The following TTBK1 variants were observed in gnomAD, a reference collection of about 807,000 sequenced individuals.
The protein encoded by TTBK1 is tau tubulin kinase 1, also known as tau-tubulin kinase 1.
In TTBK1, 34 loss-of-function variants were observed where a neutral mutation model predicts 108.5. That is an observed-to-expected ratio of 0.31 (90% CI 0.24 to 0.42). TTBK1 has a LOEUF of 0.42. Among genes scored for constraint, TTBK1 ranks in the 10% least tolerant of loss-of-function variants. The pLI, the probability that TTBK1 is intolerant of heterozygous loss-of-function variation, is 1.00. For missense variants in TTBK1, 1,539 were observed against 1,826.0 expected (o/e 0.84, Z 2.86); for synonymous variants, 809 against 795.1 (o/e 1.02, Z -0.29).
chr6:43,284,835 C>T, intron 14 of TTBK1, 148 bp from the exon 15 acceptor site: 5 of 1,325,760 alleles, frequency 3.8e-6, no homozygotes, highest in Non-Finnish European at 4.8e-6. Flanking sequence ...GAGAGCCAGG[C>T]CTCAGTTTAC....
At position 43,257,803 on chromosome 6, in the gene TTBK1, C is replaced by A; in HGVS notation, c.862-9C>A. The A allele has an allele frequency of 6.2e-7, 1 of 1,611,656 alleles. No homozygotes were observed. Among genetic ancestry groups the A allele is most frequent in the Non-Finnish European group, 8.5e-7 (1 of 1,178,458 alleles). ...CTCTCTGTCCTCCCATCACCCTCAC[C>A]CCCTGCAGTTGATCATGTCAGTGTT... On this transcript the variant is annotated splice_polypyrimidine_tract_variant and intron_variant, in intron 9 of 14. Coordinates refer to ENST00000259750, the MANE Select transcript of TTBK1 (RefSeq NM_032538.3). This position sits in a 1 kb window ranked among gnomAD's most constrained non-coding sequence, Gnocchi z 4.5.
intron 9 of TTBK1, among the ~76,000 whole-genome samples, chr6:43,256,196 C>T (rs1777376907): frequency 6.6e-6 from 1 of 150,418 alleles, no homozygotes. Flanking sequence ...AGTGCAGTGG[C>T]GTGATCTCTG....
intron 13 of TTBK1, chr6:43,271,750 T>C: frequency 1.0e-6 from 1 of 977,926 alleles, no homozygotes; most frequent in Non-Finnish European, 1.2e-6. Context: ...CCAAAATCTT[T>C]CTTTGTAAGT....
At position 43,284,984 on chromosome 6, in the gene TTBK1, C is replaced by T; in HGVS notation, c.3574C>T (p.Leu1192Phe). ...CTCCTGCCTTCTGCTCTCAAGCAGG[C>T]TCCAGCTGCAGACGCCCCCAGGGTC... Reference protein sequence around the residue: ...PALDTAITSRLQLQTPPGSAT... With the variant: ...PALDTAITSRFQLQTPPGSAT... The change falls in exon 15 of 15, where the codon CTC becomes TTC. Residue 1192 changes from leucine (L) to phenylalanine (F), a missense_variant and splice_region_variant. By Grantham distance (22) the Leu-to-Phe change is conservative (BLOSUM62 0). Transcript: ENST00000259750. 1 of 1,514,884 alleles carries T rather than the reference C, an allele frequency of 6.6e-7. No homozygotes were observed. The highest frequency in any genetic ancestry group is 1.2e-5 in the South Asian group (1 of 82,518). 93.8% of individuals were successfully genotyped at this position (1,514,884 alleles called of 1,614,324 possible). A position where few individuals can be genotyped will look rare whatever the true frequency, so the allele number is the denominator to read the frequency against.
chr6:43,281,507 G>A (rs987201631), intron 13 of TTBK1, among the ~76,000 whole-genome samples: 9 of 152,148 alleles, frequency 5.9e-5, no homozygotes, highest in East Asian at 1.9e-4. Flanking sequence ...AAGGATGGAC[G>A]GCAGTGCAGA....
Position 43,259,617 on chromosome 6 carries a change from A to G in TTBK1, c.1335A>G (p.Pro445=), listed in dbSNP as rs1326098559. The part of the protein sequence containing the change: ...VRAPPDSPTT[P]VRSLRYRRVN... ...CCCCCCCAGACTCCCCCACAACCCC[A>G]GTCCGTTCTCTGCGCTACCGGAGGG... Residue 445 remains proline (P), a synonymous_variant, in exon 12 of 15, where the codon CCA becomes CCG. Coordinates refer to ENST00000259750, the MANE Select transcript of TTBK1 (RefSeq NM_032538.3). The surrounding 1 kb of genome is among the most constrained non-coding windows in gnomAD (Gnocchi z 6.7). 1.9e-6 allele frequency: 3 copies of G among 1,611,908 alleles called. No homozygotes were observed. The highest frequency in any genetic ancestry group is 2.5e-6 in the Non-Finnish European group (3 of 1,179,222).
In TTBK1 at chr6:43,285,511, C is replaced by A; in HGVS notation, c.*135C>A. The A allele has an allele frequency of 8.7e-7, 1 of 1,145,558 alleles. No homozygotes were observed. Among genetic ancestry groups the A allele is most frequent in the Non-Finnish European group, 1.1e-6 (1 of 913,894 alleles). The allele number at this position is 1,145,558 out of a possible 1,614,324, so 71.0% of individuals were successfully genotyped here. A position where few individuals can be genotyped will look rare whatever the true frequency, so the allele number is the denominator to read the frequency against. Reference sequence around the variant, plus strand: ...CCGCGGCCCCAGCTTTCCGCCTGCACCCGCGAGGACGCGCGCGAGCACACG... The same window carrying A: ...CCGCGGCCCCAGCTTTCCGCCTGCAACCGCGAGGACGCGCGCGAGCACACG... On this transcript the variant is annotated 3_prime_UTR_variant, in exon 15 of 15. Transcript: ENST00000259750. The surrounding 1 kb of genome is among the most constrained non-coding windows in gnomAD (Gnocchi z 4.7).
rs1423194714 is a variant in TTBK1, at chr6:43,287,203, T to A, written c.*1827T>A. On this transcript the variant is annotated 3_prime_UTR_variant, in exon 15 of 15. Transcript: ENST00000259750. The surrounding 1 kb of genome is among the most constrained non-coding windows in gnomAD (Gnocchi z 4.1). ...TCCGGACAGAGCCCTCCTTGTCAAC[T>A]TGAGGCCCTCCCAAGGCCCTCTACT... 6.6e-6 allele frequency: 1 copy of A among 152,578 alleles called. No individual in the cohort carries two copies. Among genetic ancestry groups the A allele is most frequent in the Non-Finnish European group, 1.5e-5 (1 of 68,040 alleles). The allele number at this position is 152,578 out of a possible 1,614,324, so 9.5% of individuals were successfully genotyped here.
intron 7 of TTBK1, 53 bp downstream of exon 7, chr6:43,255,167 G>A: frequency 6.8e-7 from 1 of 1,468,518 alleles, no homozygotes; most frequent in Non-Finnish European, 9.5e-7. Context: ...GGCAAGGTCG[G>A]GGTGCAGTGT....
At chr6:43,252,140 A>G (rs974462593) in intron 2 of TTBK1, among the ~76,000 whole-genome samples, 4 of 151,548 alleles carry the variant, frequency 2.6e-5, no homozygotes, top group South Asian at 2.1e-4. Context: ...CTCCATGTCT[A>G]TACGGGGTCA....
At position 43,254,950 on chromosome 6, in the gene TTBK1, G is replaced by A. The variant is rs1310237421; in HGVS notation, c.577-99G>A. On this transcript the variant is annotated intron_variant, in intron 6 of 14. Coordinates refer to ENST00000259750, the MANE Select transcript of TTBK1 (RefSeq NM_032538.3). ...AGCAGGCCCACCTCCCCAGCCAGGG[G>A]AGGTGGTCAGGGTGAAGAGTTAGAC... 3.3e-6 allele frequency: 4 copies of A among 1,203,232 alleles called. No individual in the cohort carries two copies. In the East Asian group the frequency reaches 9.3e-5, roughly 28 times the overall value. The allele number at this position is 1,203,232 out of a possible 1,614,324, so 74.5% of individuals were successfully genotyped here.
rs1400629625 is a variant in TTBK1, at chr6:43,273,148, CATTTT to C, written c.1987-9574_1987-9570del. On this transcript the variant is annotated intron_variant, in intron 13 of 14. Transcript: ENST00000259750. This position sits in a 1 kb window ranked among gnomAD's most constrained non-coding sequence, Gnocchi z 4.2. ...TCTGCATTCAACAAATTAATCAGAA[CATTTT>C]ATTTACCAGAACATATAAAAAACCC... 6.6e-6 allele frequency among the ~76,000 whole-genome samples: 1 copy of C among 152,140 alleles called. No homozygotes were observed. The highest frequency in any genetic ancestry group is 6.5e-5 in the Admixed American group (1 of 15,280).
intron 1 of TTBK1, among the ~76,000 whole-genome samples, chr6:43,245,860 C>T (rs1321918572): frequency 6.6e-6 from 1 of 152,174 alleles, no homozygotes; most frequent in East Asian, 1.9e-4. Flanking sequence ...TTCCTGTCCT[C>T]CCCAGTTCAG....
chr6:43,253,765 C>T lies in TTBK1; in HGVS notation c.471+57C>T. ...CCTCCTCCAGAACACACCCCTAATT[C>T]TTTCCCTGGGTCTCCTGGTTTCTCC... On this transcript the variant is annotated intron_variant, in intron 5 of 14. Coordinates refer to ENST00000259750, the MANE Select transcript of TTBK1 (RefSeq NM_032538.3). This position sits in a 1 kb window ranked among gnomAD's most constrained non-coding sequence, Gnocchi z 5.8. 6.5e-7 allele frequency: 1 copy of T among 1,548,930 alleles called. No homozygotes were observed. The highest frequency in any genetic ancestry group is 8.7e-7 in the Non-Finnish European group (1 of 1,146,524).
At chr6:43,246,396 G>A (rs1306687868) in intron 1 of TTBK1, among the ~76,000 whole-genome samples, 2 of 152,222 alleles carry the variant, frequency 1.3e-5, no homozygotes, top group Non-Finnish European at 2.9e-5. Flanking sequence ...GTCAACATGT[G>A]TGTCCTGTTG....
In TTBK1 at chr6:43,269,774, G is replaced by C. The variant is rs770311548; in HGVS notation, c.1986+6424G>C. ...CTCACCCCGGCGGCGGCGGCTCCTC[G>C]GGCTCCTCCGGTTCCCTCATTCAGC... On this transcript the variant is annotated intron_variant, in intron 13 of 14. Transcript: ENST00000259750. The surrounding 1 kb of genome is among the most constrained non-coding windows in gnomAD (Gnocchi z 4.8). 6.3e-7 allele frequency: 1 copy of C among 1,583,960 alleles called. No individual in the cohort carries two copies. The highest frequency in any genetic ancestry group is 8.5e-7 in the Non-Finnish European group (1 of 1,169,976).
In TTBK1 at chr6:43,253,455, G is replaced by A; in HGVS notation, c.330+91G>A. 6.3e-7 allele frequency: 1 copy of A among 1,595,582 alleles called. No homozygotes were observed. The highest frequency in any genetic ancestry group is 2.2e-5 in the East Asian group (1 of 44,690). ...GAAGGGAAGGTAGACTGTGGCCCTG[G>A]GAAAGGGCAGTGGGCACAACCCTTT... is the stretch of plus-strand genomic sequence containing the variant. On this transcript the variant is annotated intron_variant, in intron 4 of 14. Transcript: ENST00000259750. The surrounding 1 kb of genome is among the most constrained non-coding windows in gnomAD (Gnocchi z 5.8).
In TTBK1 at chr6:43,269,544, G is replaced by A. The variant is rs1172022529; in HGVS notation, c.1986+6194G>A. On this transcript the variant is annotated intron_variant, in intron 13 of 14. Coordinates refer to ENST00000259750, the MANE Select transcript of TTBK1 (RefSeq NM_032538.3). This position sits in a 1 kb window ranked among gnomAD's most constrained non-coding sequence, Gnocchi z 4.8. ...ACCCCGCCCACTTGCCCGGGACGCC[G>A]GCGCCGCAGGGGCTGTGAGCGGTGG... The A allele has an allele frequency of 4.5e-6, 6 of 1,346,048 alleles. No individual in the cohort carries two copies. Among genetic ancestry groups the A allele is most frequent in the South Asian group, 1.6e-5 (1 of 63,876 alleles). 83.4% of individuals were successfully genotyped at this position (1,346,048 alleles called of 1,614,324 possible).
Position 43,269,786 on chromosome 6 carries a change from T to C in TTBK1, c.1986+6436T>C, listed in dbSNP as rs775898054. 2.5e-6 allele frequency: 4 copies of C among 1,573,640 alleles called. No individual in the cohort carries two copies. The East Asian group carries it at 9.3e-5, about 37-fold the overall frequency. ...GCGGCGGCTCCTCGGGCTCCTCCGG[T>C]TCCCTCATTCAGCGCAGCCGCTCGG... On this transcript the variant is annotated intron_variant, in intron 13 of 14. Coordinates refer to ENST00000259750, the MANE Select transcript of TTBK1 (RefSeq NM_032538.3). This position sits in a 1 kb window ranked among gnomAD's most constrained non-coding sequence, Gnocchi z 4.8.
Sources: allele counts gnomAD v4.1 joint callset (sites outside exome capture counted in the v4.1 genomes callset), GRCh38; gene constraint gnomAD v4.1.1; non-coding constraint Gnocchi (gnomAD v3.1); transcripts MANE v1.5; gene names NCBI Gene and HGNC (gene_info 2026-07-23, HGNC 2026-07-21).